TPO: variants seen among roughly 807,000 people sequenced by gnomAD.
The protein encoded by TPO is thyroid microsomal antigen.
TPO carries 78 observed loss-of-function variants against 96.9 expected under a neutral mutation model. The observed-to-expected ratio is 0.81, with a 90% confidence interval of 0.67 to 0.97. TPO has a LOEUF of 0.97. Ranked by LOEUF, TPO falls within the 50% of genes least tolerant of loss-of-function variation. The pLI, the probability that TPO is intolerant of heterozygous loss-of-function variation, is 0.00. For synonymous variants in TPO, 547 were observed against 538.0 expected (o/e 1.02, Z -0.23); for missense variants, 1,252 against 1,274.8 (o/e 0.98, Z 0.27).
At chr2:1,541,599 C>G (rs1330702637) in intron 16 of TPO, 4 of 152,268 alleles carry the variant, frequency 2.6e-5, no homozygotes, top group Non-Finnish European at 5.9e-5. Context: ...CCAAGAGATC[C>G]TCCAGTCTGA....
At chr2:1,440,744 C>G (rs1666090915) in intron 5 of TPO, among the ~76,000 whole-genome samples, 1 of 149,956 alleles carries the variant, frequency 6.7e-6, no homozygotes, top group Non-Finnish European at 1.5e-5. Flanking sequence ...TTTGTATGAT[C>G]TAGTCAGTGC....
At chr2:1,390,788 C>CA (rs1661987681) in intron 1 of TPO, among the ~76,000 whole-genome samples, 1 of 152,160 alleles carries the variant, frequency 6.6e-6, no homozygotes, top group Non-Finnish European at 1.5e-5. Flanking sequence ...TGAACAGTGA[C>CA]AATGAGCATC....
chr2:1,402,456 G>C (rs113810373), intron 1 of TPO, among the ~76,000 whole-genome samples: 4 of 152,162 alleles, frequency 2.6e-5, no homozygotes, highest in African/African-American at 9.7e-5. Flanking sequence ...GGAGCCAAGG[G>C]GGGTGGGGGA....
intron 15 of TPO, among the ~76,000 whole-genome samples, chr2:1,536,949 T>C (rs62118381): frequency 0.51 from 24,398 of 47,648 alleles, 5,541 homozygotes; most frequent in South Asian, 0.59. Context: ...GAGCAACCTC[T>C]CAAATCCCCC....
At chr2:1,465,395 T>C (rs1217697976) in intron 7 of TPO, among the ~76,000 whole-genome samples, 27 of 152,328 alleles carry the variant, frequency 1.8e-4, no homozygotes, top group Non-Finnish European at 4.4e-5. Context: ...CTTTTTTGGT[T>C]CCATACGAAT....
intron 16 of TPO, 97 bp downstream of exon 16, chr2:1,540,820 C>A: frequency 6.2e-7 from 1 of 1,601,068 alleles, no homozygotes; most frequent in Non-Finnish European, 8.5e-7. Context: ...CTGCATATTT[C>A]TGTTTACTCC....
At chr2:1,463,589 T>C (rs1379607981) in intron 7 of TPO, among the ~76,000 whole-genome samples, 2 of 152,202 alleles carry the variant, frequency 1.3e-5, no homozygotes, top group African/African-American at 4.8e-5. Context: ...GACTATAAAT[T>C]AAAGTGTTTT....
At position 1,456,181 on chromosome 2, in the gene TPO, G is replaced by C. The variant is rs1427024341; in HGVS notation, c.718G>C (p.Asp240His). 1.2e-6 allele frequency: 2 copies of C among 1,614,082 alleles called. No homozygotes were observed. The highest frequency in any genetic ancestry group is 1.7e-6 in the Non-Finnish European group (2 of 1,180,028). ...LMAWGQYIDH[D>H]IAFTPQSTSK... ...GGCATGGGGACAATACATCGACCAC[G>C]ACATCGCGTTCACACCACAGAGCAC... The change falls in exon 7 of 17, where the codon GAC becomes CAC. Residue 240 changes from aspartate to histidine, a missense_variant. Transcript: ENST00000329066.
Position 1,542,833 on chromosome 2 carries a change from C to G in TPO, c.*359C>G. The G allele has an allele frequency of 2.4e-6, 1 of 420,134 alleles. No homozygotes were observed. 26.0% of individuals were successfully genotyped at this position (420,134 alleles called of 1,614,324 possible). On this transcript the variant is annotated 3_prime_UTR_variant, in exon 17 of 17. Transcript: ENST00000329066. ...CTCGTCTGCACTCTGCCCCGGCGGT[C>G]CCTCCAGCACTGGTTTTTCCACACC...
At position 1,484,714 on chromosome 2, in the gene TPO, C is replaced by A. The variant is rs759423027; in HGVS notation, c.1457C>A (p.Ser486Tyr). 6.2e-7 allele frequency: 1 copy of A among 1,614,162 alleles called. No individual in the cohort carries two copies. Among genetic ancestry groups the A allele is most frequent in the East Asian group, 2.2e-5 (1 of 44,872 alleles). The stretch of plus-strand genomic sequence containing the variant: ...AACCCCACTGTGTCCAACGTGTTCT[C>A]CACAGCCGCCTTCCGCTTCGGCCAT... Reference protein sequence around the residue: ...TANPTVSNVFSTAAFRFGHAT... With the variant: ...TANPTVSNVFYTAAFRFGHAT... Residue 486 changes from serine to tyrosine, a missense_variant, in exon 9 of 17, where the codon TCC becomes TAC. Physicochemically the swap from Ser to Tyr is moderately radical, Grantham distance 144. Transcript: ENST00000329066.
intron 2 of TPO, among the ~76,000 whole-genome samples, chr2:1,422,375 C>CTCGTGCAGCCGCCTCTCCTGGACAGACT (rs1663808956): frequency 6.8e-6 from 1 of 146,262 alleles, no homozygotes; most frequent in African/African-American, 2.5e-5. Flanking sequence ...CTGGACCGAC[C>CTCGTGCAGCCGCCTCTCCTGGACAGACT]TCGTGCAGGC....
At chr2:1,531,240 C>CTCCTCAAATCCCCCCACT (rs1278466751) in intron 15 of TPO, among the ~76,000 whole-genome samples, 2 of 130,212 alleles carry the variant, frequency 1.5e-5, no homozygotes, top group Non-Finnish European at 1.6e-5. Flanking sequence ...TGTGTGCAAC[C>CTCCTCAAATCCCCCCACT]GCCTCATATT....
rs977331344 is a variant in TPO at position 1,522,697 on chromosome 2, C to A, written c.2618+5715C>A. ...AGTCTGACACATCGCAAAGGCTACA[C>A]CCAAACACCACCCACTGTCTGCAAC... On this transcript the variant is annotated intron_variant, in intron 15 of 16. Coordinates refer to ENST00000329066, the MANE Select transcript of TPO (RefSeq NM_001206744.2). Among the ~76,000 whole-genome samples the A allele has an allele frequency of 1.6e-4, 25 of 152,218 alleles. No homozygotes were observed. In the East Asian group the frequency reaches 4.8e-3, roughly 29 times the overall value.
intron 15 of TPO, among the ~76,000 whole-genome samples, chr2:1,536,819 C>G (rs1444899432): frequency 1.5e-5 from 2 of 131,598 alleles, no homozygotes; most frequent in African/African-American, 5.5e-5. Context: ...CCCAAATCCC[C>G]CCCACTGTGT....
intron 7 of TPO, 22 bp from the exon 8 acceptor site, chr2:1,477,064 T>C: frequency 6.3e-7 from 1 of 1,596,038 alleles, no homozygotes; most frequent in Non-Finnish European, 8.5e-7. Context: ...CTGGGTGACC[T>C]TGAACTCCCC....
chr2:1,380,220 C>T (rs527297945), intron 1 of TPO, among the ~76,000 whole-genome samples: 42 of 151,974 alleles, frequency 2.8e-4, no homozygotes, highest in African/African-American at 9.9e-4. Context: ...CGGTGAAACC[C>T]CGTCTCTACT....
At chr2:1,496,823 A>G in intron 13 of TPO, 58 bp downstream of exon 13, 1 of 1,611,618 alleles carries the variant, frequency 6.2e-7, no homozygotes, top group Non-Finnish European at 8.5e-7. Context: ...ATATAAGTTA[A>G]CAATGCAATG....
chr2:1,383,735 C>G (rs1661846189), intron 1 of TPO, among the ~76,000 whole-genome samples: 1 of 152,196 alleles, frequency 6.6e-6, no homozygotes, highest in Admixed American at 6.5e-5. Context: ...AATTAGATCC[C>G]ATTTGTCAAT....
At chr2:1,481,652 C>G (rs1274710354) in intron 8 of TPO, among the ~76,000 whole-genome samples, 1 of 152,182 alleles carries the variant, frequency 6.6e-6, no homozygotes, top group African/African-American at 2.4e-5. Context: ...TAGCTGAGTA[C>G]TTTTTCAGAT....
Sources: gnomAD v4.1 joint callset for allele counts (sites outside exome capture counted in the v4.1 genomes callset) on GRCh38, gnomAD v4.1.1 for gene constraint, MANE v1.5 for transcripts, NCBI Gene and HGNC (gene_info 2026-07-23, HGNC 2026-07-21) for gene names.